Variants in PTBP2 observed in about 807,000 individuals in gnomAD.
PTBP2 encodes polypyrimidine tract-binding protein 2.
PTBP2 carries 13 observed loss-of-function variants against 61.4 expected under a neutral mutation model. The ratio of observed to expected loss-of-function variants is 0.21; its 90% CI spans 0.14 to 0.34. The LOEUF is 0.34. Ranked by LOEUF, PTBP2 falls within the 10% of genes least tolerant of loss-of-function variation. PTBP2 has a pLI of 1.00. For synonymous variants in PTBP2, 215 were observed against 218.5 expected (o/e 0.98, Z 0.14); for missense variants, 405 against 642.6 (o/e 0.63, Z 4.00).
intron 5 of PTBP2, among the ~76,000 whole-genome samples, chr1:96,773,660 G>GGTCA (rs1465443328): frequency 2.6e-5 from 4 of 151,878 alleles, no homozygotes; most frequent in African/African-American, 4.8e-5. Flanking sequence ...TCTTATTCTG[G>GGTCA]GTCAACAAAA....
intron 2 of PTBP2, among the ~76,000 whole-genome samples, chr1:96,727,963 A>AT (rs1014019933): frequency 1.3e-5 from 2 of 151,766 alleles, no homozygotes; most frequent in South Asian, 4.2e-4. Flanking sequence ...AGCCATGAAG[A>AT]TTTTTTTCCT....
At chr1:96,807,019 A>G (rs1661557029) in intron 11 of PTBP2, 61 bp downstream of exon 11, 2 of 1,268,916 alleles carry the variant, frequency 1.6e-6, no homozygotes, top group Non-Finnish European at 1.1e-6. Context: ...GCATAATGTG[A>G]ATGTGCGAAT....
chr1:96,763,620 G>T (rs1478369700), intron 3 of PTBP2, among the ~76,000 whole-genome samples: 1 of 130,298 alleles, frequency 7.7e-6, no homozygotes, highest in Admixed American at 7.7e-5. Context: ...GAGGGGGAGG[G>T]GGAGGGGGAG....
At chr1:96,787,119 C>T (rs1377326129) in intron 8 of PTBP2, among the ~76,000 whole-genome samples, 4 of 152,152 alleles carry the variant, frequency 2.6e-5, no homozygotes, top group African/African-American at 9.7e-5. Flanking sequence ...CTCCCGGGTT[C>T]AAGCGATTCT....
intron 7 of PTBP2, among the ~76,000 whole-genome samples, chr1:96,778,467 G>T (rs1452422504): frequency 6.6e-6 from 1 of 151,584 alleles, no homozygotes; most frequent in Non-Finnish European, 1.5e-5. Flanking sequence ...GTTACATATG[G>T]AGGATGTAAG....
intron 3 of PTBP2, among the ~76,000 whole-genome samples, chr1:96,763,784 G>A (rs1423566964): frequency 6.6e-6 from 1 of 152,148 alleles, no homozygotes; most frequent in Admixed American, 6.5e-5. Flanking sequence ...CATGTACAGA[G>A]GAAATACTGA....
At chr1:96,741,820 A>G (rs146008568) in intron 2 of PTBP2, among the ~76,000 whole-genome samples, 225 of 152,276 alleles carry the variant, frequency 1.5e-3, no homozygotes, top group African/African-American at 5.2e-3. Flanking sequence ...TTTTTTCTAT[A>G]TGGATAGCAA....
Position 96,814,202 on chromosome 1 carries a change from A to G in PTBP2, c.*797A>G, listed in dbSNP as rs1265124116. 6.6e-6 allele frequency: 1 copy of G among 152,512 alleles called. No homozygotes were observed. Among genetic ancestry groups the G allele is most frequent in the Non-Finnish European group, 1.5e-5 (1 of 67,966 alleles). 9.4% of individuals were successfully genotyped at this position (152,512 alleles called of 1,614,324 possible). A position where few individuals can be genotyped will look rare whatever the true frequency, so the allele number is the denominator to read the frequency against. On this transcript the variant is annotated 3_prime_UTR_variant, in exon 14 of 14. Transcript: ENST00000674951. ...TAAGTAATGTCTTGTTTGTGGCTGA[A>G]TATTTTTCGTAGATGTTTTTGAAGT...
At chr1:96,797,940 G>C (rs1660556536) in intron 8 of PTBP2, among the ~76,000 whole-genome samples, 1 of 152,108 alleles carries the variant, frequency 6.6e-6, no homozygotes. Flanking sequence ...GCTGGGTGTG[G>C]TGGTGGGTGC....
intron 2 of PTBP2, among the ~76,000 whole-genome samples, chr1:96,728,444 A>G (rs901599108): frequency 3.9e-5 from 6 of 152,214 alleles, no homozygotes; most frequent in Admixed American, 2.6e-4. Flanking sequence ...TGAAAAGACT[A>G]TCCTTTCTCC....
chr1:96,742,963 G>A (rs1011131536), intron 2 of PTBP2, among the ~76,000 whole-genome samples: 1 of 151,604 alleles, frequency 6.6e-6, no homozygotes, highest in Admixed American at 6.6e-5. Flanking sequence ...CTTTTTTGTT[G>A]TTGTTAGATA....
chr1:96,751,007 C>G (rs1183818235), intron 2 of PTBP2, among the ~76,000 whole-genome samples: 1 of 152,002 alleles, frequency 6.6e-6, no homozygotes, highest in Non-Finnish European at 1.5e-5. Context: ...ATATTGATAT[C>G]TAACTCACCA....
intron 7 of PTBP2, among the ~76,000 whole-genome samples, chr1:96,778,534 A>G (rs1658300494): frequency 6.6e-6 from 1 of 152,028 alleles, no homozygotes; most frequent in Non-Finnish European, 1.5e-5. Context: ...TGCGCACCAC[A>G]TCTTTGCTTC....
chr1:96,746,913 CCCTTCCTT>C (rs1214485803), intron 2 of PTBP2, among the ~76,000 whole-genome samples: 1,195 of 29,266 alleles, frequency 0.041, 60 homozygotes, highest in East Asian at 0.19. Context: ...CTCCCTCCCT[CCCTTCCTT>C]CCTTCCTTCC....
At chr1:96,748,200 C>T (rs748164100) in intron 2 of PTBP2, among the ~76,000 whole-genome samples, 24 of 152,190 alleles carry the variant, frequency 1.6e-4, no homozygotes, top group Non-Finnish European at 3.2e-4. Flanking sequence ...TTGGTTAGTT[C>T]TCAGTCCCAA....
intron 3 of PTBP2, among the ~76,000 whole-genome samples, chr1:96,768,225 G>A (rs74104489): frequency 4.9e-4 from 75 of 152,082 alleles, no homozygotes; most frequent in African/African-American, 1.7e-3. Context: ...AAGGTATCAG[G>A]AATCATATAA....
At chr1:96,819,514 C>T (rs1662605387), downstream of PTBP2, 1 of 151,906 alleles carries the variant, frequency 6.6e-6, no homozygotes, top group African/African-American at 2.4e-5. Flanking sequence ...TTCCATCATT[C>T]TCTTCTTTGC....
At chr1:96,734,852 C>T (rs146542452) in intron 2 of PTBP2, among the ~76,000 whole-genome samples, 198 of 148,536 alleles carry the variant, frequency 1.3e-3, no homozygotes, top group African/African-American at 4.5e-3. Flanking sequence ...TATACTTTAC[C>T]TTGTTTGTGC....
exon 14 of PTBP2, chr1:96,821,352 A>AT (rs1349312038): frequency 6.6e-6 from 1 of 151,910 alleles, no homozygotes; most frequent in African/African-American, 2.4e-5. Context: ...AAGTAGTTTA[A>AT]TTTTTTATAT....
Sources: gnomAD v4.1 joint callset for allele counts (sites outside exome capture counted in the v4.1 genomes callset) on GRCh38, gnomAD v4.1.1 for gene constraint, MANE v1.5 for transcripts, NCBI Gene and HGNC (gene_info 2026-07-23, HGNC 2026-07-21) for gene names.